OGFOD3: variants seen among roughly 807,000 people sequenced by gnomAD.
OGFOD3 encodes 2-oxoglutarate and iron-dependent oxygenase domain-containing protein 3.
Under a neutral mutation model 39.8 loss-of-function variants are expected in OGFOD3, and 35 were observed. The observed-to-expected ratio is 0.88, with a 90% CI of 0.67 to 1.17. The LOEUF (loss-of-function observed/expected upper bound fraction) is 1.17. OGFOD3 is among the 50% of genes most tolerant of loss of function. The pLI is 0.00. For synonymous variants in OGFOD3, 200 were observed against 192.0 expected (o/e 1.04, Z -0.34); for missense variants, 438 against 454.5 (o/e 0.96, Z 0.33).
chr17:82,404,082 C>A lies in OGFOD3; in HGVS notation c.554G>T (p.Arg185Leu). 1 of 1,596,354 alleles carries A rather than the reference C, an allele frequency of 6.3e-7. No homozygotes were observed. ...AGCAATGGTGAGCTGGACCTTCTGCCGCACCTCCCTGCAGAGGACACAATA... is the reference window on the plus strand; with the variant it reads ...AGCAATGGTGAGCTGGACCTTCTGCAGCACCTCCCTGCAGAGGACACAATA... ...EEDFRLYREV[R>L]QKVQLTIAEA... Residue 185 changes from arginine (R) to leucine (L), a missense_variant, in exon 7 of 9, where the codon CGG becomes CTG. Physicochemically the swap from Arg to Leu is moderately radical, Grantham distance 102. Transcript: ENST00000313056. The surrounding 1 kb of genome is among the most constrained non-coding windows in gnomAD (Gnocchi z 4.5).
chr17:82,395,362 C>T (rs1337961244), intron 8 of OGFOD3, among the ~76,000 whole-genome samples: 16 of 152,186 alleles, frequency 1.1e-4, no homozygotes, highest in Admixed American at 7.9e-4. Context: ...TTTCTTTTCA[C>T]TGTAATAAAC....
chr17:82,405,068 T>G (rs1464688092), intron 6 of OGFOD3, among the ~76,000 whole-genome samples: 1 of 152,164 alleles, frequency 6.6e-6, no homozygotes, highest in East Asian at 1.9e-4. Context: ...AAAACTGGGC[T>G]GATTTTACAC....
intron 1 of OGFOD3, among the ~76,000 whole-genome samples, chr17:82,417,011 T>C (rs1442205197): frequency 1.3e-5 from 2 of 152,202 alleles, no homozygotes; most frequent in African/African-American, 4.8e-5. Context: ...CATTCAGTGC[T>C]GACAAAAACT....
chr17:82,392,730 G>A lies in OGFOD3; in HGVS notation c.824-196C>T, dbSNP rs1295770360. The A allele has an allele frequency of 2.9e-6, 2 of 688,700 alleles. No homozygotes were observed. The highest frequency in any genetic ancestry group is 5.6e-5 in the East Asian group (2 of 35,538). 42.7% of individuals were successfully genotyped at this position (688,700 alleles called of 1,614,324 possible). A position where few individuals can be genotyped will look rare whatever the true frequency, so the allele number is the denominator to read the frequency against. Reference sequence around the variant, plus strand: ...GAAACAAACGCAGCAATGCTCAGGGGCCCTGTGGCGGAGGAGGGGCCCCCC... The same window carrying A: ...GAAACAAACGCAGCAATGCTCAGGGACCCTGTGGCGGAGGAGGGGCCCCCC... On this transcript the variant is annotated intron_variant, in intron 8 of 8. Coordinates refer to ENST00000313056, the MANE Select transcript of OGFOD3 (RefSeq NM_024648.3). The surrounding 1 kb of genome is among the most constrained non-coding windows in gnomAD (Gnocchi z 4.2).
At chr17:82,395,107 C>T (rs552191476) in intron 8 of OGFOD3, among the ~76,000 whole-genome samples, 89 of 152,336 alleles carry the variant, frequency 5.8e-4, no homozygotes, top group African/African-American at 2.1e-3. Context: ...TCTTGGCTCA[C>T]TGCAACCTCC....
intron 8 of OGFOD3, chr17:82,393,874 G>C (rs1206824561): frequency 6.6e-6 from 1 of 152,426 alleles, no homozygotes; most frequent in African/African-American, 2.4e-5. Context: ...CAAAGGACAG[G>C]GGGAAGGATG....
intron 2 of OGFOD3, among the ~76,000 whole-genome samples, chr17:82,413,401 G>C (rs2052984454): frequency 6.6e-6 from 1 of 152,198 alleles, no homozygotes; most frequent in Non-Finnish European, 1.5e-5. Context: ...TGGAGGTTCT[G>C]ACGCCCCTTT....
intron 1 of OGFOD3, among the ~76,000 whole-genome samples, chr17:82,416,517 TA>T (rs772609190): frequency 6.6e-6 from 1 of 152,116 alleles, no homozygotes; most frequent in Non-Finnish European, 1.5e-5. Context: ...TCCCCTCCTG[TA>T]AAATAAGCTT....
intron 2 of OGFOD3, among the ~76,000 whole-genome samples, chr17:82,414,567 C>A (rs2053002612): frequency 6.6e-6 from 1 of 152,214 alleles, no homozygotes; most frequent in Non-Finnish European, 1.5e-5. Context: ...AAAGAGAGAG[C>A]ACCCACAACA....
chr17:82,404,741 C>CTTTTTTTTT lies in OGFOD3; in HGVS notation c.545+574_545+582dup, dbSNP rs869251737. ...CCAGCAGAATTTTTTCTTTTCTTTT[C>CTTTTTTTTT]TTTTTTTTTTTTTTTTTTGAGATGA... On this transcript the variant is annotated intron_variant, in intron 6 of 8. Transcript: ENST00000313056. The surrounding 1 kb of genome is among the most constrained non-coding windows in gnomAD (Gnocchi z 4.5). 7.5e-6 allele frequency among the ~76,000 whole-genome samples: 1 copy of CTTTTTTTTT among 133,186 alleles called. No homozygotes were observed. 87.4% of individuals were successfully genotyped at this position (133,186 alleles called of 152,430 possible).
chr17:82,395,942 G>A (rs545475822), intron 8 of OGFOD3, among the ~76,000 whole-genome samples: 1 of 151,138 alleles, frequency 6.6e-6, no homozygotes, highest in Non-Finnish European at 1.5e-5. Flanking sequence ...CATCAATCAC[G>A]TAAACACACA....
At position 82,404,988 on chromosome 17, in the gene OGFOD3, G is replaced by A. The variant is rs1010898330; in HGVS notation, c.545+336C>T. On this transcript the variant is annotated intron_variant, in intron 6 of 8. Transcript: ENST00000313056. This position sits in a 1 kb window ranked among gnomAD's most constrained non-coding sequence, Gnocchi z 4.5. ...ACTCCTGACCTCAGGTGATCCACCC[G>A]CCTCGCCTCCCAAAGTGCTGGGATT... 2.6e-5 allele frequency among the ~76,000 whole-genome samples: 4 copies of A among 152,066 alleles called. No homozygotes were observed. Among genetic ancestry groups the A allele is most frequent in the African/African-American group, 4.8e-5 (2 of 41,420 alleles).
At chr17:82,403,739 C>T (rs1176639655) in intron 7 of OGFOD3, among the ~76,000 whole-genome samples, 198 bp downstream of exon 7, 2 of 151,864 alleles carry the variant, frequency 1.3e-5, no homozygotes, top group African/African-American at 2.4e-5. Flanking sequence ...TGACCACATG[C>T]GCGCTCACCC....
intron 3 of OGFOD3, among the ~76,000 whole-genome samples, chr17:82,411,035 A>C (rs2052933816): frequency 6.8e-6 from 1 of 146,464 alleles, no homozygotes; most frequent in South Asian, 2.1e-4. Flanking sequence ...ATTCTTATAA[A>C]ATTATAATAA....
intron 8 of OGFOD3, chr17:82,394,299 CT>C: frequency 6.6e-7 from 1 of 1,504,984 alleles, no homozygotes. Context: ...CTAAGATGCA[CT>C]TTCTTTAGTA....
chr17:82,404,197 G>T lies in OGFOD3; in HGVS notation c.546-107C>A. ...GGAACCAGCCTTCGTACGGCTCCGG[G>T]CCCGCGGGGCGGGGGCTCCCAAGCA... On this transcript the variant is annotated intron_variant, in intron 6 of 8. Transcript: ENST00000313056. The surrounding 1 kb of genome is among the most constrained non-coding windows in gnomAD (Gnocchi z 4.5). The T allele has an allele frequency of 1.5e-6, 2 of 1,303,292 alleles. No individual in the cohort carries two copies. The highest frequency in any genetic ancestry group is 2.5e-5 in the East Asian group (1 of 39,394). 80.7% of individuals were successfully genotyped at this position (1,303,292 alleles called of 1,614,324 possible).
chr17:82,399,293 C>T (rs2052726311), intron 7 of OGFOD3, among the ~76,000 whole-genome samples: 1 of 152,324 alleles, frequency 6.6e-6, no homozygotes, highest in Admixed American at 6.5e-5. Context: ...CAGCCGTGTT[C>T]CAGCAAAGGC....
intron 2 of OGFOD3, among the ~76,000 whole-genome samples, chr17:82,412,433 TGGTTATC>T (rs2052964620): frequency 1.4e-5 from 1 of 69,838 alleles, no homozygotes; most frequent in East Asian, 3.8e-4. Flanking sequence ...GGCAGGGGCA[TGGTTATC>T]GGGGCAGGGG....
chr17:82,413,157 C>T (rs572434937), intron 2 of OGFOD3, among the ~76,000 whole-genome samples: 40 of 152,288 alleles, frequency 2.6e-4, no homozygotes, highest in African/African-American at 8.9e-4. Context: ...AAGGTTTACC[C>T]CACAAAACGC....
Sources: allele counts gnomAD v4.1 joint callset (sites outside exome capture counted in the v4.1 genomes callset), GRCh38; gene constraint gnomAD v4.1.1; non-coding constraint Gnocchi (gnomAD v3.1); transcripts MANE v1.5; gene names NCBI Gene and HGNC (gene_info 2026-07-23, HGNC 2026-07-21).